Variants in PTPRM observed in about 807,000 individuals in gnomAD.
PTPRM encodes receptor-type tyrosine-protein phosphatase mu.
PTPRM carries 47 observed loss-of-function variants against 186.7 expected under a neutral mutation model. The observed-to-expected ratio is 0.25, with a 90% CI of 0.20 to 0.32. PTPRM has a LOEUF of 0.32. PTPRM is among the 10% of genes least tolerant of loss of function. The pLI is 1.00. For missense variants in PTPRM, 1,494 were observed against 1,865.0 expected (o/e 0.80, Z 3.66); for synonymous variants, 668 against 674.9 (o/e 0.99, Z 0.16).
intron 2 of PTPRM, among the ~76,000 whole-genome samples, chr18:7,844,223 A>G (rs2046483019): frequency 6.6e-6 from 1 of 152,190 alleles, no homozygotes; most frequent in Non-Finnish European, 1.5e-5. Context: ...ATGATTGCGA[A>G]ATACAATGTC....
In PTPRM at chr18:8,088,763, G is replaced by C. The variant is rs760897331; in HGVS notation, c.1768G>C (p.Ala590Pro). Residue 590 changes from alanine to proline, a missense_variant, in exon 11 of 33, where the codon GCT (alanine) becomes CCT (proline). Physicochemically the swap from Ala to Pro is conservative, Grantham distance 27 (BLOSUM62 -1). Transcript: ENST00000580170. ...TTKISAPSMP[A>P]YELETPLNQT... ...TTTTTCCCCAGCACCCTCTATGCCAGCTTATGAACTTGAGACACCTTTGAA... is the reference window on the plus strand; with the variant it reads ...TTTTTCCCCAGCACCCTCTATGCCACCTTATGAACTTGAGACACCTTTGAA... 4 of 1,612,360 alleles carry C rather than the reference G, an allele frequency of 2.5e-6. No homozygotes were observed. Among genetic ancestry groups the C allele is most frequent in the Admixed American group, 1.7e-5 (1 of 59,942 alleles).
chr18:8,321,017 A>G (rs923015191), intron 22 of PTPRM, among the ~76,000 whole-genome samples: 1 of 152,168 alleles, frequency 6.6e-6, no homozygotes, highest in African/African-American at 2.4e-5. Flanking sequence ...GACATCTCCT[A>G]ACCCTGCTGC....
At chr18:7,832,830 T>C (rs983509315) in intron 2 of PTPRM, among the ~76,000 whole-genome samples, 1 of 152,236 alleles carries the variant, frequency 6.6e-6, no homozygotes, top group Non-Finnish European at 1.5e-5. Flanking sequence ...TACATTCTTC[T>C]ACATATGAAT....
chr18:7,944,667 A>G (rs573535920), intron 5 of PTPRM, among the ~76,000 whole-genome samples: 47 of 152,234 alleles, frequency 3.1e-4, no homozygotes, highest in Non-Finnish European at 3.1e-4. Context: ...TACTTTCCCT[A>G]TAGTTTTTTT....
intron 2 of PTPRM, among the ~76,000 whole-genome samples, chr18:7,800,292 A>G (rs1048884891): frequency 1.3e-5 from 2 of 152,204 alleles, no homozygotes; most frequent in South Asian, 4.1e-4. Flanking sequence ...GCTTAACCAC[A>G]GGGATATGTT....
chr18:8,003,332 C>G (rs1298520684), intron 7 of PTPRM, among the ~76,000 whole-genome samples: 1 of 152,182 alleles, frequency 6.6e-6, no homozygotes, highest in Non-Finnish European at 1.5e-5. Context: ...GATTGTGAGG[C>G]CTCCCCAGCC....
intron 14 of PTPRM, among the ~76,000 whole-genome samples, chr18:8,184,414 G>T (rs2093616600): frequency 6.6e-6 from 1 of 152,168 alleles, no homozygotes; most frequent in South Asian, 2.1e-4. Context: ...AAAAAGATCT[G>T]TCCTGAGAGT....
intron 14 of PTPRM, among the ~76,000 whole-genome samples, chr18:8,191,346 G>A (rs564173400): frequency 9.5e-4 from 144 of 152,236 alleles, no homozygotes; most frequent in Middle Eastern, 3.4e-3. Flanking sequence ...AGTACTGCAC[G>A]GCTACAGAGG....
intron 11 of PTPRM, among the ~76,000 whole-genome samples, chr18:8,100,933 G>A (rs2091265376): frequency 6.6e-6 from 1 of 152,064 alleles, no homozygotes. Context: ...CACCTATATA[G>A]GAACTATGTT....
chr18:8,232,782 T>C (rs2094302746), intron 14 of PTPRM, among the ~76,000 whole-genome samples: 1 of 151,982 alleles, frequency 6.6e-6, no homozygotes, highest in African/African-American at 2.4e-5. Context: ...AGGACGAACG[T>C]GGGAATAGAA....
At chr18:7,755,698 T>A (rs914361220) in intron 1 of PTPRM, among the ~76,000 whole-genome samples, 2 of 152,206 alleles carry the variant, frequency 1.3e-5, no homozygotes, top group Admixed American at 6.5e-5. Context: ...GCCAAGCCTT[T>A]TATTTAGAAA....
chr18:7,778,560 T>G (rs77021501), intron 2 of PTPRM, among the ~76,000 whole-genome samples: 4,646 of 152,166 alleles, frequency 0.031, 234 homozygotes, highest in African/African-American at 0.11. Context: ...AGCCTCCCAC[T>G]ACCTTCCCGC....
intron 14 of PTPRM, among the ~76,000 whole-genome samples, chr18:8,168,027 C>G (rs1487176948): frequency 6.6e-6 from 1 of 152,170 alleles, no homozygotes; most frequent in African/African-American, 2.4e-5. Context: ...TTCTCATTAG[C>G]ATTATCTTCT....
chr18:7,836,178 T>G (rs8089088), intron 2 of PTPRM, among the ~76,000 whole-genome samples: 1 of 151,860 alleles, frequency 6.6e-6, no homozygotes, highest in South Asian at 2.1e-4. Flanking sequence ...TTATTTCTTT[T>G]CTTCCTGTCT....
chr18:8,384,109 G>A (rs2095756325), intron 29 of PTPRM, among the ~76,000 whole-genome samples: 1 of 152,192 alleles, frequency 6.6e-6, no homozygotes, highest in Admixed American at 6.5e-5. Flanking sequence ...CTACATTGCT[G>A]GGAGGAAAAG....
intron 7 of PTPRM, among the ~76,000 whole-genome samples, chr18:7,992,396 T>G (rs1338842685): frequency 6.6e-6 from 1 of 152,200 alleles, no homozygotes; most frequent in Non-Finnish European, 1.5e-5. Flanking sequence ...GTTGTTTCAC[T>G]CAGTGCTTCT....
At chr18:7,723,679 T>C (rs1369558844) in intron 1 of PTPRM, among the ~76,000 whole-genome samples, 1 of 152,184 alleles carries the variant, frequency 6.6e-6, no homozygotes, top group Non-Finnish European at 1.5e-5. Flanking sequence ...AACCAGTGGC[T>C]CTCCTGTTGC....
At chr18:7,681,134 T>G (rs1199722105) in intron 1 of PTPRM, among the ~76,000 whole-genome samples, 2 of 152,164 alleles carry the variant, frequency 1.3e-5, no homozygotes, top group African/African-American at 4.8e-5. Flanking sequence ...TAATTTGTTC[T>G]GAGGATTTTT....
chr18:7,704,896 A>G (rs1238423740), intron 1 of PTPRM, among the ~76,000 whole-genome samples: 4 of 152,118 alleles, frequency 2.6e-5, no homozygotes, highest in Non-Finnish European at 5.9e-5. Context: ...TAGCTGGGAG[A>G]TTTACATTAT....
Sources: gnomAD v4.1 joint callset for allele counts (sites outside exome capture counted in the v4.1 genomes callset) on GRCh38, gnomAD v4.1.1 for gene constraint, MANE v1.5 for transcripts, NCBI Gene and HGNC (gene_info 2026-07-23, HGNC 2026-07-21) for gene names.